The following DACH2 variants were observed in gnomAD, a reference collection of about 807,000 sequenced individuals.
The protein encoded by DACH2 is dachshund family transcription factor 2.
In DACH2, 17 loss-of-function variants were observed where a neutral mutation model predicts 35.8. That is an observed-to-expected ratio of 0.48 (90% confidence interval 0.33 to 0.71). DACH2 has a LOEUF of 0.71. DACH2 is among the 30% of genes least tolerant of loss of function. The pLI, the probability that DACH2 is intolerant of heterozygous loss-of-function variation, is 0.02. For missense variants in DACH2, 469 were observed against 472.7 expected (o/e 0.99, Z 0.07); for synonymous variants, 195 against 177.3 (o/e 1.10, Z -0.79).
At chrX:86,765,698 G>GTTTTTTTT (rs60709865) in intron 7 of DACH2, among the ~76,000 whole-genome samples, 24 of 24,626 alleles carry the variant, frequency 9.7e-4, no homozygotes, top group South Asian at 5.0e-3. Flanking sequence ...TTGTTTTTTG[G>GTTTTTTTT]TTTTTTTTTT....
chrX:86,337,331 G>A (rs1452017999), intron 1 of DACH2, among the ~76,000 whole-genome samples: 2 of 112,120 alleles, frequency 1.8e-5, no homozygotes, highest in Non-Finnish European at 3.8e-5. Flanking sequence ...CAGTGAGAAA[G>A]GTTGGGTTAC....
At chrX:86,529,394 C>T (rs929559342) in intron 3 of DACH2, among the ~76,000 whole-genome samples, 1 of 109,337 alleles carries the variant, frequency 9.1e-6, no homozygotes, top group Non-Finnish European at 1.9e-5. Flanking sequence ...TGTTAACCAA[C>T]CTCTCTTCAC....
intron 5 of DACH2, among the ~76,000 whole-genome samples, chrX:86,696,499 AGT>A (rs2041069301): frequency 8.9e-6 from 1 of 112,044 alleles, no homozygotes; most frequent in African/African-American, 3.2e-5. Context: ...TTTGGCCTCT[AGT>A]CTGACATGTA....
intron 5 of DACH2, among the ~76,000 whole-genome samples, chrX:86,706,128 A>T (rs2041214101): frequency 9.0e-6 from 1 of 111,101 alleles, no homozygotes; most frequent in African/African-American, 3.3e-5. Flanking sequence ...GGGACAAAAA[A>T]ACTACATTAT....
intron 1 of DACH2, among the ~76,000 whole-genome samples, chrX:86,203,121 A>G (rs2032198772): frequency 9.0e-6 from 1 of 111,384 alleles, no homozygotes; most frequent in South Asian, 3.8e-4. Context: ...GAATTTATAG[A>G]TTGGCTTTCT....
chrX:86,203,797 C>T (rs1042605297), intron 1 of DACH2, among the ~76,000 whole-genome samples: 6 of 111,511 alleles, frequency 5.4e-5, no homozygotes, highest in African/African-American at 2.0e-4. Flanking sequence ...AGGATAAATA[C>T]ATTTGTAAAC....
intron 1 of DACH2, among the ~76,000 whole-genome samples, chrX:86,186,888 C>T (rs1169511820): frequency 1.8e-5 from 2 of 111,485 alleles, no homozygotes; most frequent in South Asian, 3.8e-4. Context: ...TTTCATGACA[C>T]CTTTGTCAGG....
intron 4 of DACH2, among the ~76,000 whole-genome samples, chrX:86,667,617 G>T (rs973792510): frequency 9.9e-6 from 1 of 101,121 alleles, no homozygotes; most frequent in African/African-American, 3.6e-5. Flanking sequence ...AGAAAGAAAG[G>T]CAGGCAGGCC....
intron 1 of DACH2, among the ~76,000 whole-genome samples, chrX:86,190,805 G>A (rs935809518): frequency 4.5e-5 from 5 of 111,216 alleles, no homozygotes; most frequent in African/African-American, 6.5e-5. Context: ...TTAGCTGGGC[G>A]TGGTGGCTCA....
rs766096962 is a variant in DACH2, at chrX:86,322,072, A to G, written c.489-54752A>G. 5.4e-5 allele frequency among the ~76,000 whole-genome samples: 6 copies of G among 110,749 alleles called. No individual in the cohort carries two copies. The East Asian group carries it at 1.7e-3, about 32-fold the overall frequency. On this transcript the variant is annotated intron_variant, in intron 1 of 11. Transcript: ENST00000373125. ...GGAGTCACCTCCAATGGTTCCTCCA[A>G]AACTTGCTCTTCTGACTTAGGGGAA... is the stretch of plus-strand genomic sequence containing the variant.
intron 1 of DACH2, among the ~76,000 whole-genome samples, chrX:86,324,639 C>T (rs1480568207): frequency 3.5e-5 from 3 of 84,773 alleles, no homozygotes; most frequent in Admixed American, 1.8e-4. Context: ...AGTGCAGTGG[C>T]GTGATCTCGG....
At chrX:86,323,677 C>A (rs1188206054) in intron 1 of DACH2, among the ~76,000 whole-genome samples, 2 of 111,842 alleles carry the variant, frequency 1.8e-5, no homozygotes, top group Admixed American at 9.5e-5. Flanking sequence ...TGGACAACAC[C>A]AGGGTGTAGC....
At chrX:86,620,905 TAG>T (rs925467280) in intron 3 of DACH2, among the ~76,000 whole-genome samples, 13 of 111,607 alleles carry the variant, frequency 1.2e-4, no homozygotes, top group African/African-American at 3.2e-4. Flanking sequence ...GTTTTCAGTA[TAG>T]AGAGTCCTTA....
intron 3 of DACH2, among the ~76,000 whole-genome samples, chrX:86,611,261 T>G (rs2039940943): frequency 1.8e-5 from 2 of 110,740 alleles, no homozygotes; most frequent in Admixed American, 1.9e-4. Context: ...CTGTGTTCTG[T>G]TCTACAGTGG....
At chrX:86,828,091 G>C in intron 11 of DACH2, 1 of 218,765 alleles carries the variant, frequency 4.6e-6, no homozygotes, top group Non-Finnish European at 8.3e-6. Context: ...CAGAATCCTA[G>C]TGGGGTAAGT....
At chrX:86,748,235 A>T (rs745327682) in intron 7 of DACH2, among the ~76,000 whole-genome samples, 1 of 112,150 alleles carries the variant, frequency 8.9e-6, no homozygotes, top group African/African-American at 3.2e-5. Flanking sequence ...TGGCATTTTG[A>T]CCTCTTTCCA....
In DACH2 at chrX:86,445,581, A is replaced by AAT. The variant is rs1556171636; in HGVS notation, c.528-68698_528-68697insAT. On this transcript the variant is annotated intron_variant, in intron 2 of 11. Coordinates refer to ENST00000373125, the MANE Select transcript of DACH2 (RefSeq NM_053281.3). ...TCAGAGTGAACAAAAAAAAAAAAAA[A>AAT]GAAATTTTTAAAATGTCATCAAATT... Among the ~76,000 whole-genome samples the AAT allele has an allele frequency of 3.2e-4, 33 of 101,643 alleles. 1 individual carries two copies. The highest frequency in any genetic ancestry group is 1.1e-3 in the African/African-American group (29 of 27,270). The allele number at this position is 101,643 out of a possible 115,157, so 88.3% of individuals were successfully genotyped here. A position where few individuals can be genotyped will look rare whatever the true frequency, so the allele number is the denominator to read the frequency against.
At chrX:86,781,015 A>C (rs1455079319) in intron 7 of DACH2, among the ~76,000 whole-genome samples, 1 of 111,244 alleles carries the variant, frequency 9.0e-6, no homozygotes, top group Non-Finnish European at 1.9e-5. Flanking sequence ...GGTTCATCAG[A>C]GTTTATAAAC....
chrX:86,577,485 A>C (rs1307829214), intron 3 of DACH2, among the ~76,000 whole-genome samples: 1 of 111,676 alleles, frequency 9.0e-6, no homozygotes, highest in African/African-American at 3.3e-5. Flanking sequence ...AAAAGATATA[A>C]AAATATTTTT....
Sources: allele counts gnomAD v4.1 joint callset (sites outside exome capture counted in the v4.1 genomes callset), GRCh38; gene constraint gnomAD v4.1.1; transcripts MANE v1.5; gene names NCBI Gene and HGNC (gene_info 2026-07-23, HGNC 2026-07-21).